HKDC1: variants seen among roughly 807,000 people sequenced by gnomAD.
HKDC1 encodes the protein hexokinase HKDC1.
Under a neutral mutation model 96.6 loss-of-function variants are expected in HKDC1, and 66 were observed. The ratio of observed to expected loss-of-function variants is 0.68; its 90% CI spans 0.56 to 0.84. HKDC1 has a LOEUF of 0.84. Ranked by LOEUF, HKDC1 falls within the 40% of genes least tolerant of loss-of-function variation. The probability of loss-of-function intolerance (pLI) is 0.00; values close to 1 mark genes in which losing one functional copy is unlikely to be tolerated. For missense variants in HKDC1, 1,211 were observed against 1,208.1 expected, an observed-to-expected ratio of 1.00 and a Z score of -0.04; for synonymous variants, 466 against 473.1, an observed-to-expected ratio of 0.98 and a Z score of 0.20.
At chr10:69,224,826 A>C (rs944854793) in intron 1 of HKDC1, among the ~76,000 whole-genome samples, 2 of 152,102 alleles carry the variant, frequency 1.3e-5, no homozygotes, top group African/African-American at 4.8e-5. Context: ...TGCTTAGACG[A>C]TATCTCCCAT....
chr10:69,225,072 G>C (rs924159484), intron 1 of HKDC1, among the ~76,000 whole-genome samples: 1 of 152,168 alleles, frequency 6.6e-6, no homozygotes, highest in Non-Finnish European at 1.5e-5. Context: ...CATTCTTTCT[G>C]TCATAACCTC....
intron 16 of HKDC1, chr10:69,262,035 C>T (rs1564737903): frequency 4.9e-6 from 2 of 409,792 alleles, no homozygotes; most frequent in Non-Finnish European, 9.8e-6. Flanking sequence ...ATTGAGTTGT[C>T]TGTCTGTCTC....
rs1843917954 is a variant in HKDC1, at chr10:69,267,220, C to G, written c.*463C>G. On this transcript the variant is annotated 3_prime_UTR_variant, in exon 18 of 18. Coordinates refer to ENST00000354624, the MANE Select transcript of HKDC1 (RefSeq NM_025130.4). ...GAGCAAGAGGAACTCACGTTATGAACTAGGGGGATCTCATCTAACTTGTCC... is the reference window on the plus strand; with the variant it reads ...GAGCAAGAGGAACTCACGTTATGAAGTAGGGGGATCTCATCTAACTTGTCC... 3.4e-6 allele frequency: 1 copy of G among 290,034 alleles called. No homozygotes were observed. Among genetic ancestry groups the G allele is most frequent in the Non-Finnish European group, 6.7e-6 (1 of 150,180 alleles). The allele number at this position is 290,034 out of a possible 1,614,324, so 18.0% of individuals were successfully genotyped here.
At position 69,227,191 on chromosome 10, in the gene HKDC1, C is replaced by T. The variant is rs1250760474; in HGVS notation, c.64-16C>T. 4.3e-5 allele frequency: 70 copies of T among 1,613,534 alleles called. No homozygotes were observed. Among genetic ancestry groups the T allele is most frequent in the Non-Finnish European group, 5.8e-5 (69 of 1,179,632 alleles). On this transcript the variant is annotated splice_polypyrimidine_tract_variant and intron_variant, in intron 1 of 17. Transcript: ENST00000354624. ...GGCCCCCAGCAGCACCCCTTGGTGG[C>T]CGGTGTCTGTTCCAGGTGGACAGGT...
intron 13 of HKDC1, 32 bp from the exon 14 acceptor site, chr10:69,257,295 T>A: frequency 1.3e-6 from 2 of 1,587,556 alleles, no homozygotes; most frequent in Non-Finnish European, 1.7e-6. Flanking sequence ...ATAGTAAAGC[T>A]GGGTTTTTTT....
chr10:69,234,301 G>T (rs1157013267), intron 4 of HKDC1, among the ~76,000 whole-genome samples: 2 of 152,224 alleles, frequency 1.3e-5, no homozygotes, highest in African/African-American at 4.8e-5. Context: ...GAAAGGGAAT[G>T]AGCTTTCATG....
Position 69,248,507 on chromosome 10 carries a change from C to A in HKDC1, c.1349C>A (p.Thr450Asn). 6 of 1,612,786 alleles carry A rather than the reference C, an allele frequency of 3.7e-6. No homozygotes were observed. The highest frequency in any genetic ancestry group is 5.1e-6 in the Non-Finnish European group (6 of 1,179,078). Residue 450 changes from threonine to asparagine, a missense_variant, in exon 10 of 18, where the codon ACC becomes AAC. Physicochemically the swap from Thr to Asn is moderately conservative, Grantham distance 65. Transcript: ENST00000354624. Reference protein sequence around the residue: ...VRFLLSESGSTKGAAMVTAVA... With the variant: ...VRFLLSESGSNKGAAMVTAVA... The stretch of plus-strand genomic sequence containing the variant: ...TTCCTCCTGTCAGAGAGTGGCAGCA[C>A]CAAGGGGGCCGCCATGGTGACCGCG...
At chr10:69,238,951 T>G in intron 4 of HKDC1, 91 bp from the exon 5 acceptor site, 1 of 799,752 alleles carries the variant, frequency 1.3e-6, no homozygotes, top group Non-Finnish European at 2.1e-6. Flanking sequence ...GAGAAGGCCA[T>G]GGGGGATGCA....
At chr10:69,247,332 C>A (rs368263203) in intron 8 of HKDC1, 28 bp from the exon 9 acceptor site, 7 of 1,489,400 alleles carry the variant, frequency 4.7e-6, no homozygotes, top group South Asian at 1.1e-5. Flanking sequence ...GGAGAAGTGT[C>A]GTTCACTCAT....
chr10:69,229,243 G>GCCCCCTGGCTTTGA (rs1564725208), intron 2 of HKDC1, among the ~76,000 whole-genome samples: 1 of 152,212 alleles, frequency 6.6e-6, no homozygotes, highest in Non-Finnish European at 1.5e-5. Context: ...GGGATCAGTC[G>GCCCCCTGGCTTTGA]TGTTCTGGAC....
At chr10:69,261,758 A>T (rs1490739238) in intron 16 of HKDC1, 1 of 176,900 alleles carries the variant, frequency 5.7e-6, no homozygotes, top group Admixed American at 5.5e-5. Context: ...CAGTATCCAG[A>T]CAAAGTTTAT....
chr10:69,257,285 A>C (rs1843733388), intron 13 of HKDC1, 42 bp from the exon 14 acceptor site: 1 of 1,569,138 alleles, frequency 6.4e-7, no homozygotes, highest in Non-Finnish European at 8.8e-7. Context: ...CATTCAACTC[A>C]TAGTAAAGCT....
Position 69,239,095 on chromosome 10 carries a change from G to T in HKDC1, c.549G>T (p.Thr183=). Residue 183 remains threonine (T), a synonymous_variant, in exon 5 of 18, where the codon ACG becomes ACT. Transcript: ENST00000354624. ...KKFKARGVQD[T]DVVSRLTKAM... ...TTAAGGCACGAGGAGTTCAGGACAC[G>T]GATGTGGTGAGCCGTCTGACCAAAG... 6.2e-7 allele frequency: 1 copy of T among 1,613,986 alleles called. No individual in the cohort carries two copies. Among genetic ancestry groups the T allele is most frequent in the South Asian group, 1.1e-5 (1 of 91,074 alleles).
At chr10:69,227,631 C>T (rs1843182226) in intron 2 of HKDC1, among the ~76,000 whole-genome samples, 1 of 152,202 alleles carries the variant, frequency 6.6e-6, no homozygotes, top group Non-Finnish European at 1.5e-5. Flanking sequence ...CCATGTTCTT[C>T]CCTGGTGAGT....
rs1434799267 is a variant in HKDC1, at chr10:69,233,024, A to G, written c.386A>G (p.Tyr129Cys). The change falls in exon 4 of 18, where the codon TAT (tyrosine) becomes TGT (cysteine). Residue 129 changes from tyrosine (Y) to cysteine (C), a missense_variant. Physicochemically the swap from Tyr to Cys is radical, Grantham distance 194 (BLOSUM62 -2). Transcript: ENST00000354624. The stretch of plus-strand genomic sequence containing the variant: ...TTCTCTTCTCTGCAGCTGTTTGAAT[A>G]TGTAGCTGACTGTCTGGCAGATTTC... ...IRGNGTELFEYVADCLADFMK... is the reference protein window; with the variant it reads ...IRGNGTELFECVADCLADFMK... 7.4e-6 allele frequency: 12 copies of G among 1,614,096 alleles called. No individual in the cohort carries two copies. The highest frequency in any genetic ancestry group is 2.2e-5 in the South Asian group (2 of 91,084).
chr10:69,251,082 C>T (rs985159354), intron 12 of HKDC1, among the ~76,000 whole-genome samples: 6 of 130,010 alleles, frequency 4.6e-5, no homozygotes, highest in Admixed American at 1.7e-4. Flanking sequence ...ACAAGAAATA[C>T]ATTTCTTTTT....
At chr10:69,233,285 G>A in intron 4 of HKDC1, 152 bp downstream of exon 4, 1 of 1,104,630 alleles carries the variant, frequency 9.1e-7, no homozygotes, top group Non-Finnish European at 1.3e-6. Context: ...GCAGCGTGAG[G>A]CAGAGAACTT....
At position 69,243,217 on chromosome 10, in the gene HKDC1, A is replaced by G. The variant is rs768927190; in HGVS notation, c.727A>G (p.Ser243Gly). The G allele has an allele frequency of 1.2e-6, 2 of 1,614,250 alleles. No homozygotes were observed. Among genetic ancestry groups the G allele is most frequent in the Non-Finnish European group, 1.7e-6 (2 of 1,180,034 alleles). Residue 243 changes from serine (S) to glycine (G), a missense_variant, in exon 7 of 18, where the codon AGC (serine) becomes GGC (glycine). Transcript: ENST00000354624. ...GTNACYMEDM[S>G]NIDLVEGDEG... is the part of the protein sequence containing the mutation. ...CAATGCGTGTTACATGGAGGACATG[A>G]GCAACATTGACCTGGTGGAGGGCGA...
chr10:69,236,690 G>T (rs1417837213), intron 4 of HKDC1, among the ~76,000 whole-genome samples: 3 of 151,578 alleles, frequency 2.0e-5, no homozygotes, highest in African/African-American at 7.3e-5. Context: ...TGAGGCAGGA[G>T]AATTGCTTGA....
Sources: gnomAD v4.1 joint callset for allele counts (sites outside exome capture counted in the v4.1 genomes callset) on GRCh38, gnomAD v4.1.1 for gene constraint, MANE v1.5 for transcripts, NCBI Gene and HGNC (gene_info 2026-07-23, HGNC 2026-07-21) for gene names.